Variants in ROBO2 observed in about 807,000 individuals in gnomAD.
ROBO2 encodes the protein roundabout homolog 2.
In ROBO2, 53 loss-of-function variants were observed where a neutral mutation model predicts 160.8. The observed-to-expected ratio is 0.33, with a 90% CI of 0.26 to 0.41. The LOEUF is 0.41. ROBO2 is among the 10% of genes least tolerant of loss of function. The pLI, the probability that ROBO2 is intolerant of heterozygous loss-of-function variation, is 1.00. For synonymous variants in ROBO2, 664 were observed against 611.7 expected (o/e 1.09, Z -1.26); for missense variants, 1,577 against 1,722.4 (o/e 0.92, Z 1.49).
chr3:76,706,634 G>A (rs1303599258), intron 2 of ROBO2, among the ~76,000 whole-genome samples: 4 of 151,752 alleles, frequency 2.6e-5, no homozygotes, highest in Non-Finnish European at 5.9e-5. Flanking sequence ...CCTTTCTATG[G>A]GGAAAGAAAT....
intron 2 of ROBO2, among the ~76,000 whole-genome samples, chr3:76,217,773 A>T (rs1176030564): frequency 6.6e-6 from 1 of 152,180 alleles, no homozygotes; most frequent in Non-Finnish European, 1.5e-5. Context: ...AACTATTCCA[A>T]TCAATAGAAA....
At chr3:76,713,254 T>C (rs2093328688) in intron 2 of ROBO2, among the ~76,000 whole-genome samples, 1 of 152,200 alleles carries the variant, frequency 6.6e-6, no homozygotes, top group Non-Finnish European at 1.5e-5. Flanking sequence ...CATTTTAAAT[T>C]TGTTTATTTT....
chr3:76,367,756 G>A (rs2075898136), intron 2 of ROBO2, among the ~76,000 whole-genome samples: 2 of 151,866 alleles, frequency 1.3e-5, no homozygotes, highest in South Asian at 4.1e-4. Flanking sequence ...TTCAAAATGA[G>A]TACTGTGAGA....
chr3:77,250,934 G>A (rs947993181), intron 2 of ROBO2, among the ~76,000 whole-genome samples: 3 of 152,154 alleles, frequency 2.0e-5, no homozygotes, highest in African/African-American at 7.2e-5. Context: ...TGTTGTAGTG[G>A]AGATTAAGTT....
chr3:76,672,523 G>T (rs1262841050), intron 2 of ROBO2, among the ~76,000 whole-genome samples: 2 of 152,114 alleles, frequency 1.3e-5, no homozygotes, highest in Non-Finnish European at 2.9e-5. Flanking sequence ...CTATAATGTT[G>T]TACGTATAAA....
At chr3:77,506,986 T>A (rs1479654229) in intron 5 of ROBO2, among the ~76,000 whole-genome samples, 1 of 152,160 alleles carries the variant, frequency 6.6e-6, no homozygotes, top group African/African-American at 2.4e-5. Context: ...GAGATGAATG[T>A]ATATTTTTGC....
intron 2 of ROBO2, among the ~76,000 whole-genome samples, chr3:75,955,236 A>G (rs1218692971): frequency 2.0e-5 from 3 of 151,806 alleles, no homozygotes; most frequent in African/African-American, 7.2e-5. Context: ...TATTTAATTT[A>G]TTTGCTTGGA....
chr3:77,246,782 A>G (rs2089781440), intron 2 of ROBO2, among the ~76,000 whole-genome samples: 1 of 152,330 alleles, frequency 6.6e-6, no homozygotes, highest in African/African-American at 2.4e-5. Flanking sequence ...AATGATTTTA[A>G]TTAAATAAAT....
chr3:76,346,277 TCG>T (rs1197696823), intron 2 of ROBO2, among the ~76,000 whole-genome samples: 38 of 151,586 alleles, frequency 2.5e-4, no homozygotes, highest in Non-Finnish European at 8.8e-5. Context: ...AGACAGAGTC[TCG>T]CTCTGTTGCC....
At chr3:76,542,013 C>T (rs1414722432) in intron 2 of ROBO2, among the ~76,000 whole-genome samples, 1 of 152,108 alleles carries the variant, frequency 6.6e-6, no homozygotes, top group Non-Finnish European at 1.5e-5. Flanking sequence ...TTCCTTCTTC[C>T]CTCCTCTCTG....
chr3:76,071,448 G>A (rs530345624), intron 2 of ROBO2, among the ~76,000 whole-genome samples: 38 of 152,164 alleles, frequency 2.5e-4, no homozygotes, highest in Admixed American at 1.8e-3. Context: ...AGTATAAAAT[G>A]TTATGAACTG....
chr3:76,843,919 C>G (rs573609734), intron 2 of ROBO2, among the ~76,000 whole-genome samples: 18 of 152,004 alleles, frequency 1.2e-4, no homozygotes, highest in African/African-American at 4.3e-4. Flanking sequence ...TAAATTGCAG[C>G]AGAAAAGTTT....
chr3:77,291,591 G>A (rs1463294211), intron 2 of ROBO2, among the ~76,000 whole-genome samples: 1 of 148,020 alleles, frequency 6.8e-6, no homozygotes, highest in African/African-American at 2.5e-5. Flanking sequence ...GGTGAGGCTA[G>A]AGCAGTAAAG....
At chr3:76,308,017 A>G (rs893948532) in intron 2 of ROBO2, among the ~76,000 whole-genome samples, 3 of 152,104 alleles carry the variant, frequency 2.0e-5, no homozygotes, top group South Asian at 2.1e-4. Context: ...AAACAGCACT[A>G]TGACGTTGGA....
intron 2 of ROBO2, among the ~76,000 whole-genome samples, chr3:75,957,705 G>A (rs552064817): frequency 6.9e-6 from 1 of 144,270 alleles, no homozygotes; most frequent in Non-Finnish European, 1.5e-5. Flanking sequence ...TACTAAGAGG[G>A]TTTTTTTTTT....
intron 1 of ROBO2, among the ~76,000 whole-genome samples, chr3:77,048,427 A>G (rs1460704723): frequency 6.6e-6 from 1 of 152,168 alleles, no homozygotes; most frequent in African/African-American, 2.4e-5. Context: ...GCGACGAATG[A>G]AGATAGTAAA....
chr3:76,553,877 T>A (rs1308843052), intron 2 of ROBO2, among the ~76,000 whole-genome samples: 1 of 152,198 alleles, frequency 6.6e-6, no homozygotes, highest in African/African-American at 2.4e-5. Context: ...TGCTTGCTAA[T>A]GCTCATTATT....
intron 2 of ROBO2, among the ~76,000 whole-genome samples, chr3:77,019,677 T>A (rs2062503586): frequency 6.6e-6 from 1 of 152,228 alleles, no homozygotes; most frequent in Admixed American, 6.5e-5. Flanking sequence ...CTACCAGATC[T>A]TGATTTTCAG....
chr3:75,943,085 A>T (rs1948128356), intron 2 of ROBO2, among the ~76,000 whole-genome samples: 1 of 152,048 alleles, frequency 6.6e-6, no homozygotes, highest in African/African-American at 2.4e-5. Flanking sequence ...TTATGTTTTA[A>T]CCTGTATTTC....
Sources: allele counts gnomAD v4.1 joint callset (sites outside exome capture counted in the v4.1 genomes callset), GRCh38; gene constraint gnomAD v4.1.1; transcripts MANE v1.5; gene names NCBI Gene and HGNC (gene_info 2026-07-23, HGNC 2026-07-21).